Variants in PPARD observed in about 807,000 individuals in gnomAD.
PPARD encodes peroxisome proliferator activated receptor delta.
Under a neutral mutation model 39.5 loss-of-function variants are expected in PPARD, and 6 were observed. The ratio of observed to expected loss-of-function variants is 0.15; its 90% CI spans 0.08 to 0.30. The LOEUF (loss-of-function observed/expected upper bound fraction) is 0.30, where lower values mean the gene tolerates loss of function less well. Ranked by LOEUF, PPARD falls within the 10% of genes least tolerant of loss-of-function variation. PPARD has a pLI of 1.00. For missense variants in PPARD, 397 were observed against 596.8 expected (o/e 0.67, Z 3.49); for synonymous variants, 210 against 231.3 (o/e 0.91, Z 0.83).
At position 35,424,605 on chromosome 6, in the gene PPARD, G is replaced by T; in HGVS notation, c.904G>T (p.Gly302Trp). 6.2e-7 allele frequency: 1 copy of T among 1,614,206 alleles called. No homozygotes were observed. Among genetic ancestry groups the T allele is most frequent in the South Asian group, 1.1e-5 (1 of 91,076 alleles). ...GCTGGCCTCTATCGTCAACAAGGAC[G>T]GGCTGCTGGTAGCCAACGGCAGTGG... ...AMLASIVNKDGLLVANGSGFV... is the reference protein window; with the variant it reads ...AMLASIVNKDWLLVANGSGFV... Residue 302 changes from glycine (G) to tryptophan (W), a missense_variant, in exon 7 of 8, where the codon GGG becomes TGG. By Grantham distance (184) the Gly-to-Trp change is radical (BLOSUM62 -2). Coordinates refer to ENST00000360694, the MANE Select transcript of PPARD (RefSeq NM_006238.5). This position sits in a 1 kb window ranked among gnomAD's most constrained non-coding sequence, Gnocchi z 7.1.
chr6:35,420,142 C>A lies in PPARD; in HGVS notation c.146C>A (p.Ser49Tyr), dbSNP rs373922267. The A allele has an allele frequency of 6.2e-7, 1 of 1,613,274 alleles. No homozygotes were observed. The highest frequency in any genetic ancestry group is 1.7e-5 in the Admixed American group (1 of 59,986). ...GTGTCCGCAGACCTCTCCCGGAGCT[C>A]CTCGCCACCCTCACTGCTGGACCAA... ...SSSYTDLSRS[S>Y]SPPSLLDQLQ... Residue 49 changes from serine to tyrosine, a missense_variant, in exon 4 of 8, where the codon TCC becomes TAC. By Grantham distance (144) the Ser-to-Tyr change is moderately radical. Transcript: ENST00000360694.
chr6:35,379,126 A>G (rs1762988112), intron 2 of PPARD, among the ~76,000 whole-genome samples: 1 of 143,388 alleles, frequency 7.0e-6, no homozygotes, highest in Non-Finnish European at 1.5e-5. Flanking sequence ...TTTTTGAGAT[A>G]GCGTCTCACT....
intron 2 of PPARD, among the ~76,000 whole-genome samples, chr6:35,410,500 C>A (rs1461071595): frequency 6.6e-6 from 1 of 152,154 alleles, no homozygotes; most frequent in Non-Finnish European, 1.5e-5. Context: ...TTTTCCACAC[C>A]CAACCACTGA....
At chr6:35,378,264 T>G (rs1218084194) in intron 2 of PPARD, among the ~76,000 whole-genome samples, 1 of 152,168 alleles carries the variant, frequency 6.6e-6, no homozygotes, top group Admixed American at 6.5e-5. Context: ...TTGGTGGGCA[T>G]TCAGTGTTGG....
chr6:35,362,298 G>A (rs2150497551), intron 2 of PPARD, among the ~76,000 whole-genome samples: 1 of 152,210 alleles, frequency 6.6e-6, no homozygotes, highest in Admixed American at 6.5e-5. Flanking sequence ...GAGGCACTTG[G>A]GAAGAACTGT....
chr6:35,403,216 C>T (rs1225506877), intron 2 of PPARD, among the ~76,000 whole-genome samples: 1 of 152,242 alleles, frequency 6.6e-6, no homozygotes, highest in Non-Finnish European at 1.5e-5. Flanking sequence ...AATCCCTTAA[C>T]ACAAGCCATG....
At chr6:35,387,406 A>T (rs560033465) in intron 2 of PPARD, among the ~76,000 whole-genome samples, 46 of 152,160 alleles carry the variant, frequency 3.0e-4, no homozygotes, top group Non-Finnish European at 5.7e-4. Context: ...GTTTATTTTT[A>T]TGTTAAAATG....
At chr6:35,384,044 G>A (rs1352064327) in intron 2 of PPARD, among the ~76,000 whole-genome samples, 5 of 145,182 alleles carry the variant, frequency 3.4e-5, no homozygotes, top group African/African-American at 1.3e-4. Flanking sequence ...AGGTGGGGGG[G>A]TCAGCCCCCC....
intron 2 of PPARD, among the ~76,000 whole-genome samples, chr6:35,399,119 AAGGCCGGGCGT>A (rs1764525506): frequency 6.7e-6 from 1 of 148,644 alleles, no homozygotes; most frequent in African/African-American, 2.5e-5. Context: ...CCCCAAAAAA[AAGGCCGGGCGT>A]AGTGGCTCAT....
chr6:35,365,201 C>A (rs1762146049), intron 2 of PPARD, among the ~76,000 whole-genome samples: 1 of 142,524 alleles, frequency 7.0e-6, no homozygotes, highest in South Asian at 2.3e-4. Flanking sequence ...GGCGCGATCT[C>A]AGCTCACTGC....
intron 2 of PPARD, among the ~76,000 whole-genome samples, chr6:35,406,060 G>A (rs1562212084): frequency 6.6e-6 from 1 of 151,898 alleles, no homozygotes; most frequent in Non-Finnish European, 1.5e-5. Context: ...CGAGTAGCTG[G>A]GATTACAAAT....
chr6:35,355,228 T>TC (rs1333379464), intron 2 of PPARD, among the ~76,000 whole-genome samples: 1 of 152,040 alleles, frequency 6.6e-6, no homozygotes, highest in South Asian at 2.1e-4. Context: ...GCACAGTGAA[T>TC]CACTTGAGGC....
At chr6:35,347,020 C>T in intron 1 of PPARD, 47 bp from the exon 2 acceptor site, 3 of 1,267,524 alleles carry the variant, frequency 2.4e-6, no homozygotes, top group East Asian at 2.6e-5. Flanking sequence ...TTTGAGGGCC[C>T]CTGGCACCTG....
At chr6:35,380,459 G>GTTTTTTTTTTTGTTTTTTTTTT (rs1763068883) in intron 2 of PPARD, among the ~76,000 whole-genome samples, 1 of 97,114 alleles carries the variant, frequency 1.0e-5, no homozygotes, top group Non-Finnish European at 2.1e-5. Flanking sequence ...TTAACCTCGT[G>GTTTTTTTTTTTGTTTTTTTTTT]TTTTTTTTTT....
At position 35,397,885 on chromosome 6, in the gene PPARD, A is replaced by G. The variant is rs192562108; in HGVS notation, c.-101-13102A>G. On this transcript the variant is annotated intron_variant, in intron 2 of 7. Transcript: ENST00000360694. ...TCACTGAGATGGCCACATTTGAGAAAGGACCTGAAGAAGGTGAGGCAGTGA... is the reference window on the plus strand; with the variant it reads ...TCACTGAGATGGCCACATTTGAGAAGGGACCTGAAGAAGGTGAGGCAGTGA... Among the ~76,000 whole-genome samples the G allele has an allele frequency of 4.6e-5, 7 of 152,310 alleles. No individual in the cohort carries two copies. The East Asian group carries it at 9.6e-4, about 21-fold the overall frequency.
chr6:35,414,027 T>C (rs1351840061), intron 3 of PPARD, among the ~76,000 whole-genome samples: 2 of 152,116 alleles, frequency 1.3e-5, no homozygotes, highest in African/African-American at 4.8e-5. Flanking sequence ...GAACGTGTCC[T>C]GTGTAAGTAC....
intron 2 of PPARD, among the ~76,000 whole-genome samples, chr6:35,410,566 G>T (rs538261364): frequency 2.0e-5 from 3 of 152,200 alleles, no homozygotes; most frequent in African/African-American, 4.8e-5. Context: ...TGATTCTTGG[G>T]CCTGAGTGCT....
intron 2 of PPARD, among the ~76,000 whole-genome samples, chr6:35,390,333 T>C (rs928363130): frequency 5.9e-5 from 9 of 152,202 alleles, no homozygotes; most frequent in Admixed American, 3.3e-4. Context: ...TCTCTCCCCA[T>C]AGGGGTCTAG....
intron 2 of PPARD, among the ~76,000 whole-genome samples, chr6:35,358,544 C>T (rs183018703): frequency 2.6e-5 from 4 of 152,288 alleles, no homozygotes; most frequent in East Asian, 3.9e-4. Flanking sequence ...TATTTTAAGG[C>T]GTCCCTCTCA....
Sources: allele counts gnomAD v4.1 joint callset (sites outside exome capture counted in the v4.1 genomes callset), GRCh38; gene constraint gnomAD v4.1.1; non-coding constraint Gnocchi (gnomAD v3.1); transcripts MANE v1.5; gene names NCBI Gene and HGNC (gene_info 2026-07-23, HGNC 2026-07-21).